The following ATP9A variants were observed in gnomAD, a reference collection of about 807,000 sequenced individuals.
ATP9A encodes the protein probable phospholipid-transporting ATPase IIA.
Under a neutral mutation model 144.1 loss-of-function variants are expected in ATP9A, and 52 were observed. The observed-to-expected ratio is 0.36, with a 90% CI of 0.29 to 0.45. The LOEUF is 0.45. Ranked by LOEUF, ATP9A falls within the 20% of genes least tolerant of loss-of-function variation. The probability of loss-of-function intolerance (pLI) is 1.00; values close to 1 mark genes in which losing one functional copy is unlikely to be tolerated. For synonymous variants in ATP9A, 582 were observed against 557.4 expected (o/e 1.04, Z -0.62); for missense variants, 947 against 1,392.7 (o/e 0.68, Z 5.09).
At chr20:51,728,369 A>G (rs945900767) in intron 2 of ATP9A, among the ~76,000 whole-genome samples, 1 of 152,106 alleles carries the variant, frequency 6.6e-6, no homozygotes, top group Admixed American at 6.6e-5. Context: ...GCTCGTGCCT[A>G]TAATCCCAGC....
chr20:51,719,990 A>G (rs2077681856), intron 3 of ATP9A, among the ~76,000 whole-genome samples: 1 of 152,198 alleles, frequency 6.6e-6, no homozygotes. Context: ...CAGAGGTTGC[A>G]GTTAGCCCAG....
intron 2 of ATP9A, among the ~76,000 whole-genome samples, chr20:51,726,830 C>T (rs1229901374): frequency 1.3e-5 from 2 of 150,864 alleles, no homozygotes; most frequent in Non-Finnish European, 2.9e-5. Context: ...CCTCCCACTT[C>T]AGCCTCCCAA....
intron 1 of ATP9A, among the ~76,000 whole-genome samples, chr20:51,739,373 T>TG: frequency 6.9e-6 from 1 of 145,000 alleles, no homozygotes; most frequent in East Asian, 2.1e-4. Flanking sequence ...TTTTTTGAGA[T>TG]GGAGTCTTGC....
chr20:51,613,164 A>C (rs2077191019), intron 23 of ATP9A, among the ~76,000 whole-genome samples: 1 of 152,192 alleles, frequency 6.6e-6, no homozygotes, highest in East Asian at 1.9e-4. Flanking sequence ...CTGATGCCTA[A>C]GGTACAGGAG....
At position 51,678,990 on chromosome 20, in the gene ATP9A, A is replaced by G. The variant is rs1178627554; in HGVS notation, c.800-2782T>C. ...CTGCACGGTGCCTTCAAGGTTCTGA[A>G]TAACTGGCCACTTTTAAATTCAGGA... On this transcript the variant is annotated intron_variant, in intron 9 of 27. Coordinates refer to ENST00000338821, the MANE Select transcript of ATP9A (RefSeq NM_006045.3). Among the ~76,000 whole-genome samples, 5 of 152,200 alleles carry G rather than the reference A, an allele frequency of 3.3e-5. No individual in the cohort carries two copies. In the East Asian group the frequency reaches 9.7e-4, roughly 29 times the overall value.
rs1000996718 is a variant in ATP9A at position 51,629,153 on chromosome 20, A to G, written c.1669-81T>C. 67 of 1,100,700 alleles carry G rather than the reference A, an allele frequency of 6.1e-5. No homozygotes were observed. The East Asian group carries it at 1.6e-3, about 26-fold the overall frequency. 68.2% of individuals were successfully genotyped at this position (1,100,700 alleles called of 1,614,324 possible). On this transcript the variant is annotated intron_variant, in intron 15 of 27. Transcript: ENST00000338821. ...GCAAAGCCCGCTTCCCATGACAGAC[A>G]GTGTACAAAGTGCACTTAACAGACA... is the stretch of plus-strand genomic sequence containing the variant.
intron 25 of ATP9A, among the ~76,000 whole-genome samples, chr20:51,608,257 G>A (rs746273819): frequency 7.2e-5 from 11 of 152,120 alleles, no homozygotes; most frequent in African/African-American, 2.7e-4. Flanking sequence ...TTTGCAAGTC[G>A]TGAGTTGGCT....
intron 4 of ATP9A, among the ~76,000 whole-genome samples, chr20:51,710,169 G>A (rs13038144): frequency 0.056 from 8,451 of 152,160 alleles, 422 homozygotes; most frequent in African/African-American, 0.13. Flanking sequence ...TGGGTGTAGT[G>A]GCATGTGCCT....
chr20:51,617,010 C>T (rs1373215013), intron 22 of ATP9A, among the ~76,000 whole-genome samples: 2 of 149,928 alleles, frequency 1.3e-5, no homozygotes, highest in African/African-American at 4.9e-5. Flanking sequence ...GGCGCAATCT[C>T]GGCTTACTGC....
intron 11 of ATP9A, among the ~76,000 whole-genome samples, chr20:51,671,892 G>A (rs1428049686): frequency 3.3e-5 from 5 of 152,020 alleles, no homozygotes; most frequent in Non-Finnish European, 5.9e-5. Context: ...TTTGCCTCCC[G>A]GGTTCAAACG....
At chr20:51,622,845 G>A (rs976425545) in intron 18 of ATP9A, among the ~76,000 whole-genome samples, 4 of 152,034 alleles carry the variant, frequency 2.6e-5, no homozygotes, top group Non-Finnish European at 5.9e-5. Flanking sequence ...TGTTCTCTTT[G>A]CTCCCAGCTG....
intron 13 of ATP9A, among the ~76,000 whole-genome samples, chr20:51,664,104 T>G (rs2077422920): frequency 6.6e-6 from 1 of 151,928 alleles, no homozygotes; most frequent in Non-Finnish European, 1.5e-5. Context: ...AACCTCTACC[T>G]CCTGGGTTCA....
chr20:51,700,433 G>A (rs547245409), intron 4 of ATP9A, among the ~76,000 whole-genome samples: 1 of 152,262 alleles, frequency 6.6e-6, no homozygotes, highest in East Asian at 1.9e-4. Context: ...GAGGTGGGAG[G>A]AATGCTTGAG....
intron 9 of ATP9A, among the ~76,000 whole-genome samples, chr20:51,681,181 A>G (rs1422842621): frequency 6.6e-6 from 1 of 152,186 alleles, no homozygotes; most frequent in African/African-American, 2.4e-5. Context: ...GTCCTCATGT[A>G]ATGTTATGAG....
Position 51,600,807 on chromosome 20 carries a change from A to AACACACACACAC in ATP9A, c.*392_*403dup, listed in dbSNP as rs35997419. ...TACATACACATTAGGACTCTTTAAA[A>AACACACACACAC]ACACACACACACACACACACACACA... On this transcript the variant is annotated 3_prime_UTR_variant, in exon 28 of 28. Coordinates refer to ENST00000338821, the MANE Select transcript of ATP9A (RefSeq NM_006045.3). 3.6e-4 allele frequency: 43 copies of AACACACACACAC among 120,622 alleles called. No homozygotes were observed. Among genetic ancestry groups the AACACACACACAC allele is most frequent in the Middle Eastern group, 4.3e-3 (1 of 230 alleles). 7.5% of individuals were successfully genotyped at this position (120,622 alleles called of 1,614,324 possible). A position where few individuals can be genotyped will look rare whatever the true frequency, so the allele number is the denominator to read the frequency against.
intron 15 of ATP9A, among the ~76,000 whole-genome samples, chr20:51,635,822 A>AAGGAAGGAAGGAAGGAAGGAAGGGAGGG (rs1270595027): frequency 8.4e-6 from 1 of 119,348 alleles, no homozygotes; most frequent in African/African-American, 3.3e-5. Context: ...GGAAGGAAGG[A>AAGGAAGGAAGGAAGGAAGGAAGGGAGGG]AGGGAGGGAG....
In ATP9A at chr20:51,682,743, C is replaced by A. The variant is rs528020990; in HGVS notation, c.799+6321G>T. Among the ~76,000 whole-genome samples, 3 of 150,058 alleles carry A rather than the reference C, an allele frequency of 2.0e-5. No homozygotes were observed. In the East Asian group the frequency reaches 6.0e-4, roughly 30 times the overall value. On this transcript the variant is annotated intron_variant, in intron 9 of 27. Transcript: ENST00000338821. ...AGTAACTGAGATTACAGGCACGCAC[C>A]ACCACACCCGGCTAATTTTTTGTAT...
chr20:51,763,461 C>T (rs1179056439), intron 1 of ATP9A, among the ~76,000 whole-genome samples: 1 of 151,564 alleles, frequency 6.6e-6, no homozygotes, highest in East Asian at 1.9e-4. Context: ...TACAAGTGCC[C>T]GCCACCACAC....
chr20:51,728,383 T>C lies in ATP9A; in HGVS notation c.213+1451A>G, dbSNP rs556099515. Among the ~76,000 whole-genome samples, 12 of 152,128 alleles carry C rather than the reference T, an allele frequency of 7.9e-5. No homozygotes were observed. In the East Asian group the frequency reaches 1.4e-3, roughly 17 times the overall value. On this transcript the variant is annotated intron_variant, in intron 2 of 27. Transcript: ENST00000338821. The stretch of plus-strand genomic sequence containing the variant: ...GGCTCGTGCCTATAATCCCAGCACT[T>C]TGGGAGGCCAAGGTGGGTGGATCAC...
Sources: gnomAD v4.1 joint callset for allele counts (sites outside exome capture counted in the v4.1 genomes callset) on GRCh38, gnomAD v4.1.1 for gene constraint, MANE v1.5 for transcripts, NCBI Gene and HGNC (gene_info 2026-07-23, HGNC 2026-07-21) for gene names.